STX16: variants seen among roughly 807,000 people sequenced by gnomAD.
The protein encoded by STX16 is syntaxin-16.
A neutral mutation model predicts 42.7 loss-of-function variants in STX16; 28 were observed. The observed-to-expected ratio is 0.66, with a 90% confidence interval of 0.49 to 0.90. The LOEUF (loss-of-function observed/expected upper bound fraction) is 0.90, where lower values mean the gene tolerates loss of function less well. Among genes scored for constraint, STX16 ranks in the 40% least tolerant of loss-of-function variants. STX16 has a pLI of 0.00. For missense variants in STX16, 361 were observed against 420.9 expected (o/e 0.86, Z 1.24); for synonymous variants, 156 against 155.2 (o/e 1.00, Z -0.04).
intron 7 of STX16, among the ~76,000 whole-genome samples, chr20:58,671,695 C>T (rs954677307): frequency 2.6e-5 from 4 of 151,934 alleles, no homozygotes; most frequent in Non-Finnish European, 5.9e-5. Flanking sequence ...CTCTAGTGTT[C>T]TCATCTGTAA....
At chr20:58,662,149 G>A (rs1385247867) in intron 2 of STX16, among the ~76,000 whole-genome samples, 1 of 152,204 alleles carries the variant, frequency 6.6e-6, no homozygotes, top group East Asian at 1.9e-4. Context: ...AGAAATCTCT[G>A]GGAGTTTTTA....
At chr20:58,674,014 T>C (rs1486920967) in intron 8 of STX16, among the ~76,000 whole-genome samples, 1 of 152,236 alleles carries the variant, frequency 6.6e-6, no homozygotes, top group Non-Finnish European at 1.5e-5. Context: ...TATTTCATTC[T>C]TTTCTAATGC....
chr20:58,676,053 T>C, intron 8 of STX16, 134 bp from the exon 9 acceptor site: 1 of 685,230 alleles, frequency 1.5e-6, no homozygotes, highest in Non-Finnish European at 2.6e-6. Context: ...TTGGAGGGAT[T>C]ACAATCATGT....
rs756153564 is a variant in STX16, at chr20:58,669,313, C to A, written c.416C>A (p.Ala139Asp). 2 of 1,611,538 alleles carry A rather than the reference C, an allele frequency of 1.2e-6. No individual in the cohort carries two copies. Among genetic ancestry groups the A allele is most frequent in the South Asian group, 2.2e-5 (2 of 91,006 alleles). Residue 139 changes from alanine (A) to aspartate (D), a missense_variant, in exon 5 of 9, where the codon GCC becomes GAC. Ala to Asp is a moderately radical substitution (Grantham distance 126). Transcript: ENST00000371141. ...TAGCTCTTCCACAGGTGCCAGCGTG[C>A]CGTGCAGGCCCTGCCGAGCCGGGCC... ...ITQLFHRCQRAVQALPSRARA... is the reference protein window; with the variant it reads ...ITQLFHRCQRDVQALPSRARA...
chr20:58,659,718 A>G (rs1014656875), intron 2 of STX16, 84 bp downstream of exon 2: 9 of 1,447,446 alleles, frequency 6.2e-6, no homozygotes, highest in South Asian at 3.6e-5. Flanking sequence ...GCTCATATAT[A>G]AAATGCTAAC....
chr20:58,659,657 A>G lies in STX16; in HGVS notation c.144+23A>G, dbSNP rs1167012541. The G allele has an allele frequency of 2.5e-6, 4 of 1,612,044 alleles. No individual in the cohort carries two copies. In the African/African-American group the frequency reaches 4.0e-5, roughly 16 times the overall value. On this transcript the variant is annotated intron_variant, in intron 2 of 8. Transcript: ENST00000371141. Reference sequence around the variant, plus strand: ...GAGGTATTGTGTTTTGAATATTTTTATATGTTGGGTAATTTGAGTTTATAA... The same window carrying G: ...GAGGTATTGTGTTTTGAATATTTTTGTATGTTGGGTAATTTGAGTTTATAA...
At position 58,667,593 on chromosome 20, in the gene STX16, A is replaced by G; in HGVS notation, c.248A>G (p.Asp83Gly). The G allele has an allele frequency of 6.2e-7, 1 of 1,613,076 alleles. No individual in the cohort carries two copies. Among genetic ancestry groups the G allele is most frequent in the Non-Finnish European group, 8.5e-7 (1 of 1,179,092 alleles). ...RPPPKWVDGV[D>G]EIQYDVGRIK... ...CCTCCTAAGTGGGTGGATGGAGTGG[A>G]TGAAGTAAGTTCCATGTTAGTTTCA... Residue 83 changes from aspartate to glycine, a missense_variant, in exon 3 of 9, where the codon GAT (aspartate) becomes GGT (glycine). Coordinates refer to ENST00000371141, the MANE Select transcript of STX16 (RefSeq NM_001001433.3).
intron 2 of STX16, among the ~76,000 whole-genome samples, chr20:58,661,852 T>C (rs2083708479): frequency 2.0e-5 from 3 of 152,196 alleles, no homozygotes; most frequent in South Asian, 2.1e-4. Flanking sequence ...CACCCCTTTA[T>C]AGGGGAGGCC....
At position 58,652,031 on chromosome 20, in the gene STX16, G is replaced by A. The variant is rs757502421; in HGVS notation, c.25G>A (p.Ala9Thr). MATRRLTD[A>T]FLLLRNNSIQ... Reference sequence around the variant, plus strand: ...CATGGCCACCAGGCGTTTAACCGACGCTTTCTTGTTGTTGCGGAATAATTC... The same window carrying A: ...CATGGCCACCAGGCGTTTAACCGACACTTTCTTGTTGTTGCGGAATAATTC... Residue 9 changes from alanine to threonine, a missense_variant, in exon 1 of 9, where the codon GCT becomes ACT. Ala to Thr is a moderately conservative substitution (Grantham distance 58, BLOSUM62 0). Transcript: ENST00000371141. 1 of 1,614,208 alleles carries A rather than the reference G, an allele frequency of 6.2e-7. No individual in the cohort carries two copies. The highest frequency in any genetic ancestry group is 8.5e-7 in the Non-Finnish European group (1 of 1,180,030).
intron 2 of STX16, among the ~76,000 whole-genome samples, chr20:58,664,363 T>C (rs76714762): frequency 0.016 from 2,502 of 152,284 alleles, 74 homozygotes; most frequent in Admixed American, 0.076. Flanking sequence ...CTCAATAGGG[T>C]GGTGTTTCTT....
In STX16 at chr20:58,671,351, C is replaced by T. The variant is rs575054002; in HGVS notation, c.792+54C>T. On this transcript the variant is annotated intron_variant, in intron 7 of 8. Transcript: ENST00000371141. ...GGTTTTCCTGCCATACTATCTGTAC[C>T]TTCTTTTTCCTGTACTCCTTTCAGG... is the stretch of plus-strand genomic sequence containing the variant. 45 of 1,532,566 alleles carry T rather than the reference C, an allele frequency of 2.9e-5. No individual in the cohort carries two copies. In the East Asian group the frequency reaches 7.5e-4, roughly 26 times the overall value. The allele number at this position is 1,532,566 out of a possible 1,614,324, so 94.9% of individuals were successfully genotyped here.
rs1037261425 is a variant in STX16, at chr20:58,668,121, C to T, written c.387C>T (p.Ile129=). The change falls in exon 4 of 9, where the codon ATC becomes ATT. Residue 129 remains isoleucine, a synonymous_variant. Transcript: ENST00000371141. ...CCATTGAGATAACTACCCAAGAGAT[C>T]ACTCAGGTGAGGAGTGCAAGTGAGT... ...EHAIEITTQE[I]TQLFHRCQRA... 1 of 1,614,100 alleles carries T rather than the reference C, an allele frequency of 6.2e-7. No homozygotes were observed. Among genetic ancestry groups the T allele is most frequent in the African/African-American group, 1.3e-5 (1 of 74,948 alleles).
At chr20:58,675,564 G>A (rs1289394059) in intron 8 of STX16, among the ~76,000 whole-genome samples, 1 of 152,228 alleles carries the variant, frequency 6.6e-6, no homozygotes, top group Non-Finnish European at 1.5e-5. Context: ...CCCAGATTGA[G>A]CTTGGAGGGC....
intron 7 of STX16, 140 bp downstream of exon 7, chr20:58,671,437 G>GGTGGGTGTGT: frequency 4.5e-6 from 1 of 224,000 alleles, no homozygotes; most frequent in Non-Finnish European, 8.1e-6. Context: ...TGTGTGTGTG[G>GGTGGGTGTGT]GTGTGTGTGT....
intron 2 of STX16, among the ~76,000 whole-genome samples, chr20:58,660,391 G>A (rs2083671538): frequency 6.6e-6 from 1 of 152,180 alleles, no homozygotes; most frequent in Non-Finnish European, 1.5e-5. Flanking sequence ...GGTTGTTCTT[G>A]TTTGTTTTCA....
At chr20:58,675,194 C>T (rs371591715) in intron 8 of STX16, among the ~76,000 whole-genome samples, 1 of 152,166 alleles carries the variant, frequency 6.6e-6, no homozygotes, top group Non-Finnish European at 1.5e-5. Flanking sequence ...GATGTTTCCT[C>T]CTGGTGGATG....
At chr20:58,664,216 T>C (rs2083765399) in intron 2 of STX16, among the ~76,000 whole-genome samples, 1 of 152,248 alleles carries the variant, frequency 6.6e-6, no homozygotes, top group Admixed American at 6.5e-5. Context: ...TGTCCATATT[T>C]GTTCCCATTT....
intron 2 of STX16, among the ~76,000 whole-genome samples, chr20:58,666,230 C>T (rs1235325857): frequency 6.6e-6 from 1 of 152,148 alleles, no homozygotes; most frequent in African/African-American, 2.4e-5. Flanking sequence ...AAAGTATTAT[C>T]TATAAAGGGC....
rs1474259644 is a variant in STX16, at chr20:58,651,788, G to A, written c.-219G>A. The A allele has an allele frequency of 5.6e-6, 3 of 533,204 alleles. No individual in the cohort carries two copies. The highest frequency in any genetic ancestry group is 3.3e-5 in the East Asian group (1 of 30,740). The allele number at this position is 533,204 out of a possible 1,614,324, so 33.0% of individuals were successfully genotyped here. ...TAGAGATCGAAGTCTGCCCTGGGTAGGGGGAGTCAGACAATTGGAAAGCCT... is the reference window on the plus strand; with the variant it reads ...TAGAGATCGAAGTCTGCCCTGGGTAAGGGGAGTCAGACAATTGGAAAGCCT... On this transcript the variant is annotated 5_prime_UTR_variant, in exon 1 of 9. Transcript: ENST00000371141.
Sources: gnomAD v4.1 joint callset for allele counts (sites outside exome capture counted in the v4.1 genomes callset) on GRCh38, gnomAD v4.1.1 for gene constraint, MANE v1.5 for transcripts, NCBI Gene and HGNC (gene_info 2026-07-23, HGNC 2026-07-21) for gene names.